FAM83C: variants seen among roughly 807,000 people sequenced by gnomAD.
FAM83C encodes the protein protein FAM83C.
A neutral mutation model predicts 27.1 loss-of-function variants in FAM83C; 23 were observed. The ratio of observed to expected loss-of-function variants is 0.85; its 90% CI spans 0.61 to 1.20. The LOEUF (loss-of-function observed/expected upper bound fraction) is 1.20. Ranked by LOEUF, FAM83C falls within the 50% of genes most tolerant of loss-of-function variation. The probability of loss-of-function intolerance (pLI) is 0.00; values close to 1 mark genes in which losing one functional copy is unlikely to be tolerated. For synonymous variants in FAM83C, 426 were observed against 423.1 expected (o/e 1.01, Z -0.09); for missense variants, 984 against 1,001.3 (o/e 0.98, Z 0.23).
chr20:35,286,924 C>G lies in FAM83C; in HGVS notation c.1855G>C (p.Ala619Pro). The G allele has an allele frequency of 6.2e-7, 1 of 1,614,122 alleles. No individual in the cohort carries two copies. The highest frequency in any genetic ancestry group is 8.5e-7 in the Non-Finnish European group (1 of 1,180,034). The change falls in exon 4 of 4, where the codon GCC becomes CCC. Residue 619 changes from alanine to proline, a missense_variant. Physicochemically the swap from Ala to Pro is conservative, Grantham distance 27. Coordinates refer to ENST00000374408, the MANE Select transcript of FAM83C (RefSeq NM_178468.6). ...CGCCGCTCATCTGGTGCCCGTCTGGCAGGTCTGGCTGAGGAGTTGGTTTCA... is the reference window on the plus strand; with the variant it reads ...CGCCGCTCATCTGGTGCCCGTCTGGGAGGTCTGGCTGAGGAGTTGGTTTCA... ...PLETNSSARP[A>P]RRAPDERRQT...
chr20:35,286,574 C>T lies in FAM83C; in HGVS notation c.2205G>A (p.Lys735=). 2 of 1,613,962 alleles carry T rather than the reference C, an allele frequency of 1.2e-6. No homozygotes were observed. The highest frequency in any genetic ancestry group is 1.7e-6 in the Non-Finnish European group (2 of 1,179,906). The change falls in exon 4 of 4, where the codon AAG becomes AAA. Residue 735 remains lysine, a synonymous_variant. Transcript: ENST00000374408. ...GGCTTCGGAGCTGCTTGAACTTGGACTTGTTGTACTTAGTGATGAGGTCCA... is the reference window on the plus strand; with the variant it reads ...GGCTTCGGAGCTGCTTGAACTTGGATTTGTTGTACTTAGTGATGAGGTCCA... ...SKLDLITKYN[K]SKFKQLRSRF...
intron 3 of FAM83C, among the ~76,000 whole-genome samples, chr20:35,288,252 C>T (rs1213522294): frequency 6.6e-6 from 1 of 152,178 alleles, no homozygotes; most frequent in Non-Finnish European, 1.5e-5. Flanking sequence ...TAGTCATTTT[C>T]TATACCAAGG....
At chr20:35,291,191 C>T (rs1443414411) in intron 1 of FAM83C, among the ~76,000 whole-genome samples, 1 of 152,230 alleles carries the variant, frequency 6.6e-6, no homozygotes, top group Admixed American at 6.5e-5. Flanking sequence ...CCTTCCCCTG[C>T]TTCAGGCCCA....
rs1219454236 is a variant in FAM83C at position 35,287,120 on chromosome 20, G to A, written c.1659C>T (p.Ser553=). Reference sequence around the variant, plus strand: ...GGGCTCGGGACAGGAGATCCAGCTGGCTGTCGGCCTGGCTTGGGGACAACC... The same window carrying A: ...GGGCTCGGGACAGGAGATCCAGCTGACTGTCGGCCTGGCTTGGGGACAACC... ...DRRLSPSQAD[S]QLDLLSRALG... Residue 553 remains serine, a synonymous_variant, in exon 4 of 4, where the codon AGC becomes AGT. Transcript: ENST00000374408. 1 of 1,603,978 alleles carries A rather than the reference G, an allele frequency of 6.2e-7. No homozygotes were observed. The highest frequency in any genetic ancestry group is 8.5e-7 in the Non-Finnish European group (1 of 1,178,470).
At position 35,286,573 on chromosome 20, in the gene FAM83C, A is replaced by G. The variant is rs767651407; in HGVS notation, c.2206T>C (p.Ser736Pro). Residue 736 changes from serine to proline, a missense_variant, in exon 4 of 4, where the codon TCC (serine) becomes CCC (proline). Transcript: ENST00000374408. ...KLDLITKYNK[S>P]KFKQLRSRFE... ...CGGCTTCGGAGCTGCTTGAACTTGGACTTGTTGTACTTAGTGATGAGGTCC... is the reference window on the plus strand; with the variant it reads ...CGGCTTCGGAGCTGCTTGAACTTGGGCTTGTTGTACTTAGTGATGAGGTCC... 5 of 1,613,540 alleles carry G rather than the reference A, an allele frequency of 3.1e-6. No individual in the cohort carries two copies. Among genetic ancestry groups the G allele is most frequent in the Non-Finnish European group, 4.2e-6 (5 of 1,179,802 alleles).
intron 1 of FAM83C, among the ~76,000 whole-genome samples, chr20:35,290,780 G>A (rs1007806348): frequency 6.6e-6 from 1 of 152,182 alleles, no homozygotes; most frequent in Non-Finnish European, 1.5e-5. Flanking sequence ...GAGGACGACA[G>A]CAGCAGCCTC....
intron 1 of FAM83C, among the ~76,000 whole-genome samples, chr20:35,289,531 G>A (rs1246262250): frequency 6.6e-6 from 1 of 151,492 alleles, no homozygotes; most frequent in South Asian, 2.1e-4. Flanking sequence ...TAGAGATGGA[G>A]TTTCACCATG....
intron 3 of FAM83C, 132 bp downstream of exon 3, chr20:35,288,329 A>C (rs1484870559): frequency 6.7e-7 from 1 of 1,485,240 alleles, no homozygotes; most frequent in Non-Finnish European, 9.1e-7. Flanking sequence ...CCCTCCCCTG[A>C]GCCTGGCATG....
rs770705150 is a variant in FAM83C at position 35,292,173 on chromosome 20, C to T, written c.132G>A (p.Ala44=). Reference sequence around the variant, plus strand: ...GGAGGGCGTCGGCCGCCAGCCGAGCCGCCTCGCTGTGCCGCAGCACCAGCG... The same window carrying T: ...GGAGGGCGTCGGCCGCCAGCCGAGCTGCCTCGCTGTGCCGCAGCACCAGCG... ...SSPLVLRHSE[A]ARLAADALLE... Residue 44 remains alanine, a synonymous_variant, in exon 1 of 4, where the codon GCG becomes GCA. Coordinates refer to ENST00000374408, the MANE Select transcript of FAM83C (RefSeq NM_178468.6). The T allele has an allele frequency of 1.4e-5, 23 of 1,596,968 alleles. No individual in the cohort carries two copies. In the African/African-American group the frequency reaches 2.4e-4, roughly 17 times the overall value.
At chr20:35,291,729 T>C (rs939716212) in intron 1 of FAM83C, 63 bp downstream of exon 1, 1 of 1,600,970 alleles carries the variant, frequency 6.2e-7, no homozygotes, top group South Asian at 1.1e-5. Context: ...GGCTGGTCCC[T>C]TCCCTCTCTG....
chr20:35,286,922 G>A lies in FAM83C; in HGVS notation c.1857C>T (p.Ala619=), dbSNP rs968415469. The A allele has an allele frequency of 6.2e-6, 10 of 1,614,010 alleles. No individual in the cohort carries two copies. Among genetic ancestry groups the A allele is most frequent in the Admixed American group, 5.0e-5 (3 of 60,010 alleles). ...PLETNSSARP[A]RRAPDERRQT... ...GCCGCCGCTCATCTGGTGCCCGTCTGGCAGGTCTGGCTGAGGAGTTGGTTT... is the reference window on the plus strand; with the variant it reads ...GCCGCCGCTCATCTGGTGCCCGTCTAGCAGGTCTGGCTGAGGAGTTGGTTT... The change falls in exon 4 of 4, where the codon GCC becomes GCT. Residue 619 remains alanine (A), a synonymous_variant. Transcript: ENST00000374408.
rs140122103 is a variant in FAM83C, at chr20:35,286,519, G to A, written c.*16C>T. 4.8e-4 allele frequency: 759 copies of A among 1,587,822 alleles called. 3 individuals carry two copies. The African/African-American group carries it at 7.9e-3, about 16-fold the overall frequency. Reference sequence around the variant, plus strand: ...GGCCTGCCCTTGCCAGTGCACCCCCGATGCCAGTCCTTTGGCTAGGACTCA... The same window carrying A: ...GGCCTGCCCTTGCCAGTGCACCCCCAATGCCAGTCCTTTGGCTAGGACTCA... On this transcript the variant is annotated 3_prime_UTR_variant, in exon 4 of 4. Coordinates refer to ENST00000374408, the MANE Select transcript of FAM83C (RefSeq NM_178468.6).
chr20:35,288,142 T>C (rs897497728), intron 3 of FAM83C, among the ~76,000 whole-genome samples, 170 bp from the exon 4 acceptor site: 1 of 95,676 alleles, frequency 1.0e-5, no homozygotes, highest in African/African-American at 7.7e-5. Flanking sequence ...GTGCTTGCCC[T>C]AGCCCTGCTT....
Position 35,288,540 on chromosome 20 carries a change from C to A in FAM83C, c.727G>T (p.Ala243Ser), listed in dbSNP as rs781055207. Reference protein sequence around the residue: ...STCGDTYCSKAGRRFTGQALE... With the variant: ...STCGDTYCSKSGRRFTGQALE... Reference sequence around the variant, plus strand: ...GCCTGCCCCGTGAAGCGGCGGCCAGCCTTGCTGCAGTATGTGTCCCCACAC... The same window carrying A: ...GCCTGCCCCGTGAAGCGGCGGCCAGACTTGCTGCAGTATGTGTCCCCACAC... The change falls in exon 3 of 4, where the codon GCT (alanine) becomes TCT (serine). Residue 243 changes from alanine (A) to serine (S), a missense_variant. Transcript: ENST00000374408. 3 of 1,614,116 alleles carry A rather than the reference C, an allele frequency of 1.9e-6. No individual in the cohort carries two copies. In the African/African-American group the frequency reaches 4.0e-5, roughly 22 times the overall value.
chr20:35,286,791 GC>G lies in FAM83C; in HGVS notation c.1987del (p.Ala663LeufsTer11). ...TTTCTCATCCCCAGACCCAGCTCCAGCCGTGCGAGCAGGGCTTGATATCGGG... is the reference window on the plus strand; with the variant it reads ...TTTCTCATCCCCAGACCCAGCTCCAGCGTGCGAGCAGGGCTTGATATCGGG... ...GLPISSPART[A>X]GAGSGDEKRL... On this transcript the variant is annotated frameshift_variant, in exon 4 of 4. Transcript: ENST00000374408. LOFTEE classifies it high-confidence loss of function. 1 of 1,614,158 alleles carries G rather than the reference GC, an allele frequency of 6.2e-7. No individual in the cohort carries two copies.
rs1437996490 is a variant in FAM83C, at chr20:35,292,066, T to C, written c.239A>G (p.Tyr80Cys). The change falls in exon 1 of 4, where the codon TAC (tyrosine) becomes TGC (cysteine). Residue 80 changes from tyrosine (Y) to cysteine (C), a missense_variant. Physicochemically the swap from Tyr to Cys is radical, Grantham distance 194 (BLOSUM62 -2). Transcript: ENST00000374408. ...GCCCCCGCGCACATGGCTGGTCATG[T>C]AGTCCACATCCAGGGCGCTCAGGAA... is the stretch of plus-strand genomic sequence containing the variant. ...LPFLSALDVD[Y>C]MTSHVRGGPE... 1.9e-6 allele frequency: 3 copies of C among 1,611,396 alleles called. No individual in the cohort carries two copies. The highest frequency in any genetic ancestry group is 1.7e-5 in the Admixed American group (1 of 60,016).
Position 35,286,354 on chromosome 20 carries a change from G to GA in FAM83C, c.*180_*181insT. ...CTAGATTCAAGAAGATACTAGTTAG[G>GA]GTGTGTGTGTGTGTGTGTGTGTGTG... is the stretch of plus-strand genomic sequence containing the variant. On this transcript the variant is annotated 3_prime_UTR_variant, in exon 4 of 4. Transcript: ENST00000374408. The GA allele has an allele frequency of 2.0e-6, 1 of 511,804 alleles. No individual in the cohort carries two copies. Among genetic ancestry groups the GA allele is most frequent in the South Asian group, 2.5e-5 (1 of 39,696 alleles). 31.7% of individuals were successfully genotyped at this position (511,804 alleles called of 1,614,324 possible).
chr20:35,286,715 C>G lies in FAM83C; in HGVS notation c.2064G>C (p.Gln688His). The G allele has an allele frequency of 6.2e-7, 1 of 1,614,190 alleles. No individual in the cohort carries two copies. The highest frequency in any genetic ancestry group is 8.5e-7 in the Non-Finnish European group (1 of 1,180,036). The stretch of plus-strand genomic sequence containing the variant: ...CAGTTCCCTGCCTGGCCCCGTGCAA[C>G]TGATGATACTTGGTGATGAGGTCCA... ...SKLDLITKYH[Q>H]LHGARQGTEP... The change falls in exon 4 of 4, where the codon CAG (glutamine) becomes CAC (histidine). Residue 688 changes from glutamine (Q) to histidine (H), a missense_variant. By Grantham distance (24) the Gln-to-His change is conservative. Transcript: ENST00000374408.
intron 2 of FAM83C, 78 bp from the exon 3 acceptor site, chr20:35,288,663 CCAGA>C: frequency 6.3e-7 from 1 of 1,581,378 alleles, no homozygotes; most frequent in South Asian, 1.2e-5. Context: ...GTCTCTAACC[CCAGA>C]CAGCTAAGGG....
Sources: allele counts gnomAD v4.1 joint callset (sites outside exome capture counted in the v4.1 genomes callset), GRCh38; gene constraint gnomAD v4.1.1; transcripts MANE v1.5; gene names NCBI Gene and HGNC (gene_info 2026-07-23, HGNC 2026-07-21).